The following SUCLG2 variants were observed in gnomAD, a reference collection of about 807,000 sequenced individuals.
The protein encoded by SUCLG2 is succinate--CoA ligase [GDP-forming] subunit beta, mitochondrial.
SUCLG2 carries 42 observed loss-of-function variants against 47.9 expected under a neutral mutation model. That is an observed-to-expected ratio of 0.88 (90% confidence interval 0.69 to 1.14). The LOEUF (loss-of-function observed/expected upper bound fraction) is 1.14. SUCLG2 is among the 50% of genes most tolerant of loss of function. The probability of loss-of-function intolerance (pLI) is 0.00; values close to 1 mark genes in which losing one functional copy is unlikely to be tolerated. For missense variants in SUCLG2, 571 were observed against 525.9 expected (o/e 1.09, Z -0.84); for synonymous variants, 195 against 197.3 (o/e 0.99, Z 0.10).
chr3:67,527,795 G>A (rs986541993), intron 4 of SUCLG2, among the ~76,000 whole-genome samples: 12 of 152,152 alleles, frequency 7.9e-5, no homozygotes, highest in Admixed American at 2.6e-4. Flanking sequence ...TGGGAGCAGC[G>A]AATGTCCCTC....
chr3:67,606,091 C>G (rs4286445), intron 2 of SUCLG2, among the ~76,000 whole-genome samples: 73,625 of 151,468 alleles, frequency 0.49, 18,757 homozygotes, highest in African/African-American at 0.64. Flanking sequence ...TGTAGTCCTA[C>G]CTACTCTGAA....
At chr3:67,507,836 T>C (rs145589069) in intron 7 of SUCLG2, among the ~76,000 whole-genome samples, 13 of 152,310 alleles carry the variant, frequency 8.5e-5, no homozygotes, top group African/African-American at 3.1e-4. Context: ...GGAGGTGAAA[T>C]GTACTAAAAA....
chr3:67,492,371 G>C (rs1361614345), intron 9 of SUCLG2, among the ~76,000 whole-genome samples: 1 of 152,082 alleles, frequency 6.6e-6, no homozygotes. Flanking sequence ...CTACACCTTT[G>C]GAATTCTAAG....
chr3:67,636,330 A>G (rs991956237), intron 1 of SUCLG2, among the ~76,000 whole-genome samples: 28 of 152,086 alleles, frequency 1.8e-4, no homozygotes, highest in Non-Finnish European at 2.9e-4. Context: ...AAGAGGTAGG[A>G]AAATGGACAC....
intron 9 of SUCLG2, among the ~76,000 whole-genome samples, chr3:67,404,039 C>G (rs950821960): frequency 6.6e-6 from 1 of 152,184 alleles, no homozygotes; most frequent in Non-Finnish European, 1.5e-5. Flanking sequence ...GCAGCTGCCA[C>G]CACACCTGAC....
intron 2 of SUCLG2, among the ~76,000 whole-genome samples, chr3:67,559,511 A>T (rs760014941): frequency 6.6e-6 from 1 of 152,190 alleles, no homozygotes; most frequent in Non-Finnish European, 1.5e-5. Context: ...CATCATGAGA[A>T]CAGCATAGGG....
chr3:67,481,828 C>A (rs543240510), intron 9 of SUCLG2, among the ~76,000 whole-genome samples: 1 of 152,192 alleles, frequency 6.6e-6, no homozygotes, highest in African/African-American at 2.4e-5. Context: ...CATCAAATAT[C>A]GGATGGTTTC....
intron 9 of SUCLG2, among the ~76,000 whole-genome samples, chr3:67,469,002 G>C (rs59024921): frequency 0.025 from 3,869 of 152,262 alleles, 161 homozygotes; most frequent in African/African-American, 0.088. Flanking sequence ...GCTAAGACCT[G>C]AAGAGTAAGC....
chr3:67,523,951 T>C (rs2107136580), intron 4 of SUCLG2, among the ~76,000 whole-genome samples: 1 of 152,320 alleles, frequency 6.6e-6, no homozygotes, highest in Middle Eastern at 3.4e-3. Context: ...CCACCAAATT[T>C]CTATTTGTGA....
Position 67,609,615 on chromosome 3 carries a change from A to G in SUCLG2, c.85-19T>C. On this transcript the variant is annotated intron_variant, in intron 1 of 10. Coordinates refer to ENST00000307227, the MANE Select transcript of SUCLG2 (RefSeq NM_003848.4). ...GAACTGCCTACAGAAATTGAAGGAG[A>G]GAGGTAAGAACATTCATTAATAGCA... The G allele has an allele frequency of 6.2e-7, 1 of 1,610,890 alleles. No individual in the cohort carries two copies. Among genetic ancestry groups the G allele is most frequent in the East Asian group, 2.2e-5 (1 of 44,826 alleles).
At chr3:67,491,893 A>G (rs1427055477) in intron 9 of SUCLG2, among the ~76,000 whole-genome samples, 1 of 152,192 alleles carries the variant, frequency 6.6e-6, no homozygotes, top group Non-Finnish European at 1.5e-5. Flanking sequence ...TACTGCTATT[A>G]TTACCACTTT....
chr3:67,439,339 G>A (rs372940299), intron 9 of SUCLG2, among the ~76,000 whole-genome samples: 21 of 152,292 alleles, frequency 1.4e-4, no homozygotes, highest in African/African-American at 4.6e-4. Context: ...AGACAAGGAT[G>A]CCCTCTCTCA....
At position 67,408,825 on chromosome 3, in the gene SUCLG2, G is replaced by A. The variant is rs1043041172; in HGVS notation, c.1063-7974C>T. The stretch of plus-strand genomic sequence containing the variant: ...CAATGAGCTTAAACATCACACAGCA[G>A]TAGGCAATGGTGTCAAGATTTAAAT... On this transcript the variant is annotated intron_variant, in intron 9 of 10. Transcript: ENST00000307227. The A allele has an allele frequency of 4.9e-6, 7 of 1,414,180 alleles. No homozygotes were observed. The African/African-American group carries it at 8.7e-5, about 18-fold the overall frequency. The allele number at this position is 1,414,180 out of a possible 1,614,324, so 87.6% of individuals were successfully genotyped here.
intron 9 of SUCLG2, among the ~76,000 whole-genome samples, chr3:67,436,998 A>T (rs1378448910): frequency 6.6e-6 from 1 of 152,164 alleles, no homozygotes; most frequent in Non-Finnish European, 1.5e-5. Context: ...CAAGATAGGA[A>T]ATAGAAAAAC....
At chr3:67,541,701 A>G (rs940817578) in intron 2 of SUCLG2, among the ~76,000 whole-genome samples, 1 of 152,170 alleles carries the variant, frequency 6.6e-6, no homozygotes, top group Non-Finnish European at 1.5e-5. Context: ...AGCAACCCCA[A>G]GACACATAAT....
intron 7 of SUCLG2, among the ~76,000 whole-genome samples, chr3:67,504,173 T>C (rs1305629299): frequency 6.6e-6 from 1 of 151,934 alleles, no homozygotes; most frequent in African/African-American, 2.4e-5. Context: ...TCCCATTAAA[T>C]ATTGATGTTC....
At chr3:67,381,205 A>G (rs1240825961) in intron 10 of SUCLG2, among the ~76,000 whole-genome samples, 2 of 15,016 alleles carry the variant, frequency 1.3e-4, no homozygotes, top group Non-Finnish European at 2.6e-4. Context: ...TAAATAAATA[A>G]AATAAAATAA....
rs1702016015 is a variant in SUCLG2, at chr3:67,375,525, G to A, written c.*219C>T. The A allele has an allele frequency of 7.7e-7, 1 of 1,304,196 alleles. No individual in the cohort carries two copies. Among genetic ancestry groups the A allele is most frequent in the Admixed American group, 3.5e-5 (1 of 28,924 alleles). The allele number at this position is 1,304,196 out of a possible 1,614,324, so 80.8% of individuals were successfully genotyped here. On this transcript the variant is annotated 3_prime_UTR_variant, in exon 11 of 11. Transcript: ENST00000307227. Reference sequence around the variant, plus strand: ...TGGGCAGGCTTACAGTGACAGAAAAGTATGAGAACACAAGATATTATTTTT... The same window carrying A: ...TGGGCAGGCTTACAGTGACAGAAAAATATGAGAACACAAGATATTATTTTT...
chr3:67,464,626 G>GA (rs1302687525), intron 9 of SUCLG2, among the ~76,000 whole-genome samples: 1 of 152,148 alleles, frequency 6.6e-6, no homozygotes, highest in African/African-American at 2.4e-5. Context: ...TCTTCTGAGA[G>GA]AAAAATGTGG....
Sources: gnomAD v4.1 joint callset for allele counts (sites outside exome capture counted in the v4.1 genomes callset) on GRCh38, gnomAD v4.1.1 for gene constraint, MANE v1.5 for transcripts, NCBI Gene and HGNC (gene_info 2026-07-23, HGNC 2026-07-21) for gene names.